TNFRSF21: variants seen among roughly 807,000 people sequenced by gnomAD.
The protein encoded by TNFRSF21 is tumor necrosis factor receptor superfamily member 21.
In TNFRSF21, 19 loss-of-function variants were observed where a neutral mutation model predicts 45.6. The ratio of observed to expected loss-of-function variants is 0.42; its 90% confidence interval spans 0.29 to 0.61. The LOEUF (loss-of-function observed/expected upper bound fraction) is 0.61, where lower values mean the gene tolerates loss of function less well. TNFRSF21 is among the 20% of genes least tolerant of loss of function. The pLI, the probability that TNFRSF21 is intolerant of heterozygous loss-of-function variation, is 0.23. For synonymous variants in TNFRSF21, 314 were observed against 335.5 expected (o/e 0.94, Z 0.70); for missense variants, 737 against 851.5 (o/e 0.87, Z 1.67).
intron 3 of TNFRSF21, among the ~76,000 whole-genome samples, chr6:47,281,577 C>T (rs769954537): frequency 9.2e-5 from 14 of 152,056 alleles, no homozygotes; most frequent in Non-Finnish European, 1.8e-4. Flanking sequence ...TACGAGGTTT[C>T]GCCATGTTGG....
chr6:47,275,731 C>T (rs1238550287), intron 3 of TNFRSF21, among the ~76,000 whole-genome samples: 1 of 152,146 alleles, frequency 6.6e-6, no homozygotes, highest in Non-Finnish European at 1.5e-5. Context: ...TGGTTTTCCC[C>T]CAACCCTGTG....
rs558637541 is a variant in TNFRSF21, at chr6:47,271,412, C to A, written c.1243+12526G>T. 4.5e-4 allele frequency among the ~76,000 whole-genome samples: 66 copies of A among 145,632 alleles called. 1 individual carries two copies. The highest frequency in any genetic ancestry group is 1.6e-3 in the African/African-American group (64 of 40,476). On this transcript the variant is annotated intron_variant, in intron 3 of 5. Transcript: ENST00000296861. ...ATCCAGAATATCATATCCAGCCAAA[C>A]TAAGCTTCATAAGTGAAGGAGAAAT... is the stretch of plus-strand genomic sequence containing the variant.
chr6:47,291,518 A>AAGTAATC (rs1196097692), intron 1 of TNFRSF21, among the ~76,000 whole-genome samples: 1 of 152,144 alleles, frequency 6.6e-6, no homozygotes, highest in African/African-American at 2.4e-5. Flanking sequence ...AGGTCAGCTG[A>AAGTAATC]ATTTGGTGAA....
chr6:47,279,006 C>T (rs887170599), intron 3 of TNFRSF21, among the ~76,000 whole-genome samples: 3 of 152,096 alleles, frequency 2.0e-5, no homozygotes, highest in Admixed American at 2.0e-4. Flanking sequence ...CACCTTTTTT[C>T]CCTCACTTTT....
intron 4 of TNFRSF21, among the ~76,000 whole-genome samples, chr6:47,246,117 C>A (rs1764821587): frequency 6.6e-6 from 1 of 152,180 alleles, no homozygotes; most frequent in African/African-American, 2.4e-5. Flanking sequence ...ATATCACTAT[C>A]TTAATGAGAA....
chr6:47,238,076 A>G (rs747804175), intron 4 of TNFRSF21, among the ~76,000 whole-genome samples: 1 of 152,206 alleles, frequency 6.6e-6, no homozygotes, highest in East Asian at 1.9e-4. Context: ...AAAAAGATAT[A>G]TTAACTTTGA....
At chr6:47,291,644 G>A (rs1762731448) in intron 1 of TNFRSF21, among the ~76,000 whole-genome samples, 1 of 152,216 alleles carries the variant, frequency 6.6e-6, no homozygotes, top group African/African-American at 2.4e-5. Flanking sequence ...AGGGATGGGA[G>A]GTAGGCTCCA....
At chr6:47,265,468 T>C (rs1762318891) in intron 3 of TNFRSF21, among the ~76,000 whole-genome samples, 1 of 152,198 alleles carries the variant, frequency 6.6e-6, no homozygotes, top group Admixed American at 6.5e-5. Flanking sequence ...ATCCAGATTC[T>C]GATCATTAAG....
Position 47,245,002 on chromosome 6 carries a change from C to T in TNFRSF21, c.1509+8254G>A, listed in dbSNP as rs138161721. Among the ~76,000 whole-genome samples, 411 of 152,318 alleles carry T rather than the reference C, an allele frequency of 2.7e-3. 6 individuals are homozygous for T. The highest frequency in any genetic ancestry group is 9.7e-3 in the African/African-American group (404 of 41,568). Reference sequence around the variant, plus strand: ...TAAAAAGAAAAAGTGAAAATGTGCTCTCCTGCACTGGTAATTGATGGAGAA... The same window carrying T: ...TAAAAAGAAAAAGTGAAAATGTGCTTTCCTGCACTGGTAATTGATGGAGAA... On this transcript the variant is annotated intron_variant, in intron 4 of 5. Transcript: ENST00000296861.
chr6:47,271,879 A>C (rs1399237660), intron 3 of TNFRSF21, among the ~76,000 whole-genome samples: 4 of 152,188 alleles, frequency 2.6e-5, no homozygotes, highest in Non-Finnish European at 5.9e-5. Flanking sequence ...GTCTCTGATA[A>C]AACAGACTTT....
chr6:47,305,614 T>A (rs1283624149), intron 1 of TNFRSF21, among the ~76,000 whole-genome samples: 1 of 152,178 alleles, frequency 6.6e-6, no homozygotes. Context: ...TGTACTTTGA[T>A]AAATGATGGT....
At chr6:47,239,035 C>T (rs138229958) in intron 4 of TNFRSF21, among the ~76,000 whole-genome samples, 2 of 152,188 alleles carry the variant, frequency 1.3e-5, no homozygotes, top group Admixed American at 1.3e-4. Context: ...ACCTGTAATC[C>T]CAACACTTTG....
At chr6:47,269,200 C>CACACACACAG (rs1210046430) in intron 3 of TNFRSF21, among the ~76,000 whole-genome samples, 3 of 151,852 alleles carry the variant, frequency 2.0e-5, no homozygotes, top group South Asian at 2.1e-4. Context: ...CACACAAACA[C>CACACACACAG]ACACACACAG....
intron 4 of TNFRSF21, among the ~76,000 whole-genome samples, chr6:47,235,468 C>T (rs1326362299): frequency 6.6e-6 from 1 of 152,212 alleles, no homozygotes; most frequent in Non-Finnish European, 1.5e-5. Flanking sequence ...AGGCAGCCAT[C>T]TGCAAGCCAA....
Position 47,286,558 on chromosome 6 carries a change from T to C in TNFRSF21, c.134A>G (p.Gln45Arg). 1.2e-6 allele frequency: 2 copies of C among 1,610,618 alleles called. No individual in the cohort carries two copies. Among genetic ancestry groups the C allele is most frequent in the Non-Finnish European group, 8.5e-7 (1 of 1,177,076 alleles). ...TGTGCCAATGAGATTCGAGGCCTTC[T>C]GTTCTGGCTGAGCTGTGGTGGTGCT... ...FLSTTTAQPE[Q>R]KASNLIGTYR... is the part of the protein sequence containing the mutation. The change falls in exon 2 of 6, where the codon CAG becomes CGG. Residue 45 changes from glutamine (Q) to arginine (R), a missense_variant. Transcript: ENST00000296861.
At chr6:47,294,776 C>T (rs900705964) in intron 1 of TNFRSF21, among the ~76,000 whole-genome samples, 1 of 152,084 alleles carries the variant, frequency 6.6e-6, no homozygotes, top group Non-Finnish European at 1.5e-5. Flanking sequence ...AGCATTCCTG[C>T]CACCTCAGAC....
intron 3 of TNFRSF21, among the ~76,000 whole-genome samples, chr6:47,269,065 T>C (rs2113856975): frequency 6.6e-6 from 1 of 152,294 alleles, no homozygotes; most frequent in Middle Eastern, 3.4e-3. Flanking sequence ...AGCCAGGCCT[T>C]GGCTTCCCTC....
At chr6:47,309,347 C>G in intron 1 of TNFRSF21, 69 bp downstream of exon 1, 3 of 1,481,684 alleles carry the variant, frequency 2.0e-6, no homozygotes, top group South Asian at 1.3e-5. Flanking sequence ...CGGTGACCCG[C>G]CCGGCTCCCG....
At chr6:47,283,888 A>G in intron 3 of TNFRSF21, 50 bp downstream of exon 3, 1 of 1,561,250 alleles carries the variant, frequency 6.4e-7, no homozygotes, top group Non-Finnish European at 8.6e-7. Context: ...GGGACTAGGG[A>G]AAAAGTGGTA....
Sources: allele counts gnomAD v4.1 joint callset (sites outside exome capture counted in the v4.1 genomes callset), GRCh38; gene constraint gnomAD v4.1.1; transcripts MANE v1.5; gene names NCBI Gene and HGNC (gene_info 2026-07-23, HGNC 2026-07-21).